EIPR1: variants seen among roughly 807,000 people sequenced by gnomAD.
EIPR1 encodes the protein EARP complex and GARP complex interacting protein 1.
A neutral mutation model predicts 48.1 loss-of-function variants in EIPR1; 25 were observed. The ratio of observed to expected loss-of-function variants is 0.52; its 90% confidence interval spans 0.38 to 0.73. EIPR1 has a LOEUF of 0.73. EIPR1 is among the 30% of genes least tolerant of loss of function. EIPR1 has a pLI of 0.00. For synonymous variants in EIPR1, 204 were observed against 201.9 expected (o/e 1.01, Z -0.09); for missense variants, 415 against 506.2 (o/e 0.82, Z 1.73).
intron 3 of EIPR1, chr2:3,318,942 C>T (rs754415682): frequency 4.2e-5 from 20 of 471,354 alleles, no homozygotes; most frequent in South Asian, 2.0e-4. Flanking sequence ...GAATGCCAAA[C>T]GATTCTATGA....
chr2:3,259,488 G>C (rs1292284877), intron 3 of EIPR1, among the ~76,000 whole-genome samples: 2 of 152,214 alleles, frequency 1.3e-5, no homozygotes, highest in Non-Finnish European at 2.9e-5. Flanking sequence ...CAGATACAAT[G>C]TTTAAGTGAC....
intron 3 of EIPR1, chr2:3,319,899 T>C (rs146468399): frequency 8.0e-5 from 5 of 62,612 alleles, no homozygotes; most frequent in South Asian, 4.2e-4. Flanking sequence ...ACCGCACCTG[T>C]GGACAACACC....
At chr2:3,326,138 C>CA (rs1008492171) in intron 3 of EIPR1, among the ~76,000 whole-genome samples, 17 of 152,232 alleles carry the variant, frequency 1.1e-4, no homozygotes, top group African/African-American at 3.9e-4. Flanking sequence ...TCTAGATGCT[C>CA]AGAGCCCACT....
chr2:3,321,905 C>A (rs1358567514), intron 3 of EIPR1, among the ~76,000 whole-genome samples: 1 of 152,238 alleles, frequency 6.6e-6, no homozygotes, highest in Non-Finnish European at 1.5e-5. Context: ...CAGTGGAAAT[C>A]TCCACAAAGG....
intron 5 of EIPR1, among the ~76,000 whole-genome samples, chr2:3,210,205 C>T (rs944880693): frequency 4.6e-5 from 7 of 152,106 alleles, no homozygotes; most frequent in South Asian, 2.1e-4. Context: ...TAAACTTTTG[C>T]TCTGAAAAAG....
At chr2:3,341,626 TG>T (rs1670252025) in intron 2 of EIPR1, among the ~76,000 whole-genome samples, 1 of 150,404 alleles carries the variant, frequency 6.6e-6, no homozygotes, top group African/African-American at 2.5e-5. Flanking sequence ...TACATGGCTA[TG>T]GTGGGTGTAC....
chr2:3,202,092 C>T (rs1231700571), intron 5 of EIPR1, among the ~76,000 whole-genome samples: 3 of 152,120 alleles, frequency 2.0e-5, no homozygotes, highest in Non-Finnish European at 4.4e-5. Context: ...CGCCCGCCAC[C>T]ACGCCCGGCT....
At chr2:3,240,415 C>A (rs1434583524) in intron 4 of EIPR1, among the ~76,000 whole-genome samples, 1 of 151,536 alleles carries the variant, frequency 6.6e-6, no homozygotes, top group Admixed American at 6.6e-5. Flanking sequence ...GCAGATCCTT[C>A]CTAAAGCAAA....
In EIPR1 at chr2:3,192,463, C is replaced by T. The variant is rs1374007599; in HGVS notation, c.940G>A (p.Val314Ile). Reference sequence around the variant, plus strand: ...TGGTCACTGATGTCATCGTCGTCTACCAAGTGGCCGAAGGGCTCCGACGAG... The same window carrying T: ...TGGTCACTGATGTCATCGTCGTCTATCAAGTGGCCGAAGGGCTCCGACGAG... ...SISSEPFGHL[V>I]DDDDISDQED... Residue 314 changes from valine (V) to isoleucine (I), a missense_variant, in exon 8 of 9, where the codon GTA becomes ATA. Val to Ile is a conservative substitution (Grantham distance 29). Transcript: ENST00000382125. 1 of 1,612,978 alleles carries T rather than the reference C, an allele frequency of 6.2e-7. No individual in the cohort carries two copies. Among genetic ancestry groups the T allele is most frequent in the Admixed American group, 1.7e-5 (1 of 59,896 alleles).
chr2:3,306,234 A>G (rs186109894), intron 3 of EIPR1, among the ~76,000 whole-genome samples: 1 of 151,748 alleles, frequency 6.6e-6, no homozygotes, highest in East Asian at 1.9e-4. Flanking sequence ...CGCTGTACAC[A>G]CCTTTCCCAC....
rs566640820 is a variant in EIPR1, at chr2:3,227,949, T to C, written c.417-13701A>G. Among the ~76,000 whole-genome samples, 15 of 152,362 alleles carry C rather than the reference T, an allele frequency of 9.8e-5. No individual in the cohort carries two copies. The East Asian group carries it at 2.7e-3, about 27-fold the overall frequency. On this transcript the variant is annotated intron_variant, in intron 4 of 8. Transcript: ENST00000382125. ...CTAGATTTCAGAGGATGTATGACAA[T>C]GTCTGGATGTCTAGGCAGAAGTCTG...
At chr2:3,310,522 G>A (rs1046169189) in intron 3 of EIPR1, among the ~76,000 whole-genome samples, 6 of 145,388 alleles carry the variant, frequency 4.1e-5, no homozygotes, top group Admixed American at 1.4e-4. Flanking sequence ...GCGTAGTGGC[G>A]GGCGCCTGTA....
At chr2:3,281,011 C>T (rs1396126539) in intron 3 of EIPR1, among the ~76,000 whole-genome samples, 1 of 152,154 alleles carries the variant, frequency 6.6e-6, no homozygotes, top group African/African-American at 2.4e-5. Flanking sequence ...GGGGTGCTGT[C>T]TCCTACGTGG....
At chr2:3,308,508 G>GA (rs111414436) in intron 3 of EIPR1, among the ~76,000 whole-genome samples, 1,578 of 150,940 alleles carry the variant, frequency 0.01, 37 homozygotes, top group African/African-American at 0.036. Flanking sequence ...AAAATAGACG[G>GA]AAAAAAAAAT....
chr2:3,352,623 C>T (rs893661243), intron 2 of EIPR1, among the ~76,000 whole-genome samples: 10 of 152,246 alleles, frequency 6.6e-5, no homozygotes, highest in Admixed American at 4.6e-4. Context: ...AATAGCCTAA[C>T]GCTACATCAC....
chr2:3,334,574 C>A (rs559672067), intron 3 of EIPR1, among the ~76,000 whole-genome samples: 2 of 152,248 alleles, frequency 1.3e-5, no homozygotes, highest in Non-Finnish European at 2.9e-5. Context: ...TGACCTGATT[C>A]AGATGAGACG....
intron 1 of EIPR1, among the ~76,000 whole-genome samples, chr2:3,362,035 A>C (rs1670863576): frequency 6.6e-6 from 1 of 152,198 alleles, no homozygotes. Context: ...TGCTTTCCAA[A>C]TGCGAATCTG....
rs1664879453 is a variant in EIPR1 at position 3,198,280 on chromosome 2, G to A, written c.517-1263C>T. 3.3e-5 allele frequency among the ~76,000 whole-genome samples: 5 copies of A among 152,354 alleles called. No homozygotes were observed. In the South Asian group the frequency reaches 1.0e-3, roughly 32 times the overall value. The stretch of plus-strand genomic sequence containing the variant: ...TTCAGAGGTGGCCACTGGGAGGCGT[G>A]AGCTACAAGACCTGGTGTCCCCCCA... On this transcript the variant is annotated intron_variant, in intron 5 of 8. Coordinates refer to ENST00000382125, the MANE Select transcript of EIPR1 (RefSeq NM_003310.5).
intron 1 of EIPR1, among the ~76,000 whole-genome samples, chr2:3,359,688 T>C (rs1670808535): frequency 6.6e-6 from 1 of 152,232 alleles, no homozygotes; most frequent in African/African-American, 2.4e-5. Context: ...TGTATAATTC[T>C]ACCTCTTTGA....
Sources: allele counts gnomAD v4.1 joint callset (sites outside exome capture counted in the v4.1 genomes callset), GRCh38; gene constraint gnomAD v4.1.1; transcripts MANE v1.5; gene names NCBI Gene and HGNC (gene_info 2026-07-23, HGNC 2026-07-21).